Variants in ADGRL4 observed in about 807,000 individuals in gnomAD.
ADGRL4 encodes the protein EGF, latrophilin and seven transmembrane domain containing 1.
ADGRL4 carries 90 observed loss-of-function variants against 74.8 expected under a neutral mutation model. The observed-to-expected ratio is 1.20, with a 90% CI of 1.02 to 1.43. ADGRL4 has a LOEUF of 1.43. Among genes scored for constraint, ADGRL4 ranks in the 40% most tolerant of loss-of-function variants. The pLI is 0.00. For missense variants in ADGRL4, 881 were observed against 814.3 expected, an observed-to-expected ratio of 1.08 and a Z score of -1.00; for synonymous variants, 311 against 279.2, an observed-to-expected ratio of 1.11 and a Z score of -1.14.
intron 6 of ADGRL4, among the ~76,000 whole-genome samples, chr1:78,937,179 T>C (rs1269985935): frequency 6.6e-6 from 1 of 152,192 alleles, no homozygotes; most frequent in Non-Finnish European, 1.5e-5. Context: ...GCATGGTGGC[T>C]CATGCCTGTA....
At chr1:78,923,896 C>T (rs115616609) in intron 8 of ADGRL4, among the ~76,000 whole-genome samples, 2 of 151,752 alleles carry the variant, frequency 1.3e-5, no homozygotes, top group Non-Finnish European at 2.9e-5. Flanking sequence ...AGATACTGTA[C>T]AGGGAGAGAT....
chr1:78,973,840 CT>C (rs1650224303), intron 2 of ADGRL4, among the ~76,000 whole-genome samples: 1 of 151,884 alleles, frequency 6.6e-6, no homozygotes, highest in African/African-American at 2.4e-5. Context: ...TGTAATTCCC[CT>C]TTTCAATAAT....
chr1:78,946,308 G>C lies in ADGRL4; in HGVS notation c.291C>G (p.Asp97Glu), dbSNP rs759520967. 2.5e-6 allele frequency: 4 copies of C among 1,613,100 alleles called. No individual in the cohort carries two copies. The highest frequency in any genetic ancestry group is 2.5e-6 in the Non-Finnish European group (3 of 1,179,504). ...CGGTTCCATCATTAGTGATAAACCT[G>C]TCTTGGTTACTGCTGGATCTGAAGC... ...VPGFRSSSNQ[D>E]RFITNDGTVC... The change falls in exon 3 of 15, where the codon GAC becomes GAG. Residue 97 changes from aspartate to glutamate, a missense_variant. By Grantham distance (45) the Asp-to-Glu change is conservative. Transcript: ENST00000370742.
intron 9 of ADGRL4, among the ~76,000 whole-genome samples, chr1:78,920,816 C>A (rs1345783805): frequency 6.6e-6 from 1 of 151,730 alleles, no homozygotes; most frequent in Non-Finnish European, 1.5e-5. Flanking sequence ...GTTAGCAATG[C>A]AGAATATAAG....
intron 12 of ADGRL4, among the ~76,000 whole-genome samples, chr1:78,915,193 C>T (rs1188946253): frequency 6.6e-6 from 1 of 151,868 alleles, no homozygotes; most frequent in African/African-American, 2.4e-5. Context: ...ATAATCTTTT[C>T]TGTCCCTGCT....
At chr1:78,908,003 G>A (rs1009095754) in intron 12 of ADGRL4, among the ~76,000 whole-genome samples, 5 of 151,920 alleles carry the variant, frequency 3.3e-5, no homozygotes, top group African/African-American at 7.2e-5. Flanking sequence ...CAATGTTTCC[G>A]TATGAGAGAA....
At chr1:78,969,082 T>C (rs1650116727) in intron 2 of ADGRL4, among the ~76,000 whole-genome samples, 1 of 152,194 alleles carries the variant, frequency 6.6e-6, no homozygotes. Context: ...GGGGATTTAT[T>C]TTGAACTATT....
At chr1:78,973,689 A>T (rs1650217784) in intron 2 of ADGRL4, among the ~76,000 whole-genome samples, 1 of 150,204 alleles carries the variant, frequency 6.7e-6, no homozygotes, top group Non-Finnish European at 1.5e-5. Flanking sequence ...AGCATACAAG[A>T]TACAATTTTT....
intron 7 of ADGRL4, among the ~76,000 whole-genome samples, chr1:78,931,445 A>G (rs1649239927): frequency 6.6e-6 from 1 of 151,478 alleles, no homozygotes; most frequent in Non-Finnish European, 1.5e-5. Context: ...TGAATATGGA[A>G]AGGAAAAACT....
chr1:78,925,982 T>C (rs1293878379), intron 8 of ADGRL4, among the ~76,000 whole-genome samples: 2 of 152,072 alleles, frequency 1.3e-5, no homozygotes, highest in Non-Finnish European at 2.9e-5. Flanking sequence ...TCTTTTTCCC[T>C]CAACATAGTG....
At chr1:78,922,661 C>T (rs1649023843) in intron 8 of ADGRL4, among the ~76,000 whole-genome samples, 2 of 151,904 alleles carry the variant, frequency 1.3e-5, no homozygotes, top group Non-Finnish European at 2.9e-5. Context: ...TAACTAGGTG[C>T]TTGCTTTCTT....
chr1:78,965,845 C>T (rs1204337810), intron 2 of ADGRL4, among the ~76,000 whole-genome samples: 1 of 152,128 alleles, frequency 6.6e-6, no homozygotes, highest in Non-Finnish European at 1.5e-5. Flanking sequence ...AATGACATAG[C>T]TGGCTTTTAA....
At chr1:78,909,525 A>T (rs1648714666) in intron 12 of ADGRL4, among the ~76,000 whole-genome samples, 1 of 151,930 alleles carries the variant, frequency 6.6e-6, no homozygotes, top group Non-Finnish European at 1.5e-5. Flanking sequence ...GACAGCCTCC[A>T]CAACAAAGAT....
At chr1:78,969,070 A>G (rs975025529) in intron 2 of ADGRL4, among the ~76,000 whole-genome samples, 2 of 152,174 alleles carry the variant, frequency 1.3e-5, no homozygotes, top group Non-Finnish European at 2.9e-5. Context: ...TTTCAGAGTC[A>G]AGGGGATTTA....
intron 10 of ADGRL4, among the ~76,000 whole-genome samples, chr1:78,918,725 G>T (rs921793791): frequency 6.6e-6 from 1 of 151,728 alleles, no homozygotes; most frequent in African/African-American, 2.4e-5. Flanking sequence ...TGTATCATGG[G>T]AGAGATAACA....
intron 12 of ADGRL4, among the ~76,000 whole-genome samples, chr1:78,903,337 A>C (rs1269206648): frequency 6.6e-6 from 1 of 152,166 alleles, no homozygotes; most frequent in Non-Finnish European, 1.5e-5. Flanking sequence ...AATTCATACT[A>C]CTAAGGAAAA....
At chr1:78,994,950 G>C (rs1439687969) in intron 2 of ADGRL4, among the ~76,000 whole-genome samples, 1 of 152,088 alleles carries the variant, frequency 6.6e-6, no homozygotes, top group Admixed American at 6.6e-5. Flanking sequence ...ATAAACACTC[G>C]TTAAGCAAAG....
At chr1:78,920,042 TAGAA>T (rs1648962900) in intron 10 of ADGRL4, 137 bp downstream of exon 10, 1 of 647,042 alleles carries the variant, frequency 1.5e-6, no homozygotes, top group Non-Finnish European at 2.5e-6. Flanking sequence ...TTATCAAACT[TAGAA>T]AGGATAGCTG....
chr1:78,913,962 G>C (rs1648816592), intron 12 of ADGRL4, among the ~76,000 whole-genome samples: 1 of 151,838 alleles, frequency 6.6e-6, no homozygotes, highest in Admixed American at 6.6e-5. Flanking sequence ...TCTGGACTAA[G>C]AAGTGATTAA....
Sources: gnomAD v4.1 joint callset for allele counts (sites outside exome capture counted in the v4.1 genomes callset) on GRCh38, gnomAD v4.1.1 for gene constraint, MANE v1.5 for transcripts, NCBI Gene and HGNC (gene_info 2026-07-23, HGNC 2026-07-21) for gene names.